The following KCNN3 variants were observed in gnomAD, a reference collection of about 807,000 sequenced individuals.
KCNN3 encodes potassium calcium-activated channel subfamily N member 3.
Under a neutral mutation model 62.9 loss-of-function variants are expected in KCNN3, and 16 were observed. That is an observed-to-expected ratio of 0.25 (90% CI 0.17 to 0.39). KCNN3 has a LOEUF of 0.39. Among genes scored for constraint, KCNN3 ranks in the 10% least tolerant of loss-of-function variants. The pLI is 1.00. For synonymous variants in KCNN3, 370 were observed against 389.2 expected (o/e 0.95, Z 0.58); for missense variants, 599 against 949.4 (o/e 0.63, Z 4.85).
At position 154,700,372 on chromosome 1, in the gene KCNN3, GT is replaced by G. The variant is rs1699827916; in HGVS notation, c.*7603del. On this transcript the variant is annotated 3_prime_UTR_variant, in exon 8 of 8. Transcript: ENST00000271915. ...CATATAGCCATGGACTTGAATTACT[GT>G]CAAGAGGTCTGCTTTCCCCAAATGA... 1 of 152,208 alleles carries G rather than the reference GT, an allele frequency of 6.6e-6. No homozygotes were observed. The highest frequency in any genetic ancestry group is 1.5e-5 in the Non-Finnish European group (1 of 68,046). 9.4% of individuals were successfully genotyped at this position (152,208 alleles called of 1,614,324 possible). A position where few individuals can be genotyped will look rare whatever the true frequency, so the allele number is the denominator to read the frequency against.
rs1033962882 is a variant in KCNN3 at position 154,705,039 on chromosome 1, G to A, written c.*2937C>T. 2.8e-4 allele frequency: 43 copies of A among 152,236 alleles called. No homozygotes were observed. Among genetic ancestry groups the A allele is most frequent in the African/African-American group, 1.0e-3 (43 of 41,520 alleles). The allele number at this position is 152,236 out of a possible 1,614,324, so 9.4% of individuals were successfully genotyped here. A position where few individuals can be genotyped will look rare whatever the true frequency, so the allele number is the denominator to read the frequency against. On this transcript the variant is annotated 3_prime_UTR_variant, in exon 8 of 8. Transcript: ENST00000271915. ...ATCCTCTCGCCTTGCCCAAAGTCCT[G>A]GGATTACAGGCATGAGCCACCGCAC...
intron 3 of KCNN3, among the ~76,000 whole-genome samples, chr1:154,754,876 G>A (rs1647562996): frequency 6.6e-6 from 1 of 152,178 alleles, no homozygotes; most frequent in East Asian, 1.9e-4. Flanking sequence ...AGAAAAAGAA[G>A]ACACAAACAG....
intron 2 of KCNN3, among the ~76,000 whole-genome samples, chr1:154,778,281 C>T (rs771139382): frequency 6.6e-6 from 1 of 152,206 alleles, no homozygotes; most frequent in Non-Finnish European, 1.5e-5. Flanking sequence ...TAACCCAACT[C>T]AGTTCAATAT....
Position 154,707,782 on chromosome 1 carries a change from TA to T in KCNN3, c.*193del. 2 of 643,300 alleles carry T rather than the reference TA, an allele frequency of 3.1e-6. No individual in the cohort carries two copies. Among genetic ancestry groups the T allele is most frequent in the South Asian group, 4.3e-5 (2 of 46,852 alleles). 39.8% of individuals were successfully genotyped at this position (643,300 alleles called of 1,614,324 possible). On this transcript the variant is annotated 3_prime_UTR_variant, in exon 8 of 8. Transcript: ENST00000271915. ...CTTCCCGCTCCCAAGTAGAGGCACC[TA>T]AACAGAGATTAGATTTCTGGTTTCA...
chr1:154,829,057 G>C (rs1651272501), intron 1 of KCNN3, among the ~76,000 whole-genome samples: 1 of 152,196 alleles, frequency 6.6e-6, no homozygotes, highest in African/African-American at 2.4e-5. Flanking sequence ...ATCCCATCCA[G>C]GAGCTCCCAG....
chr1:154,750,701 T>G lies in KCNN3; in HGVS notation c.1449-17557A>C, dbSNP rs373419123. Among the ~76,000 whole-genome samples the G allele has an allele frequency of 4.1e-4, 62 of 152,092 alleles. 3 individuals carry two copies. Among genetic ancestry groups the G allele is most frequent in the African/African-American group, 1.5e-3 (62 of 41,508 alleles). ...GGGGAGTGGGCAGCTGCAGCCCTGA[T>G]CCTTGATAAGGGTCTTAAGAGACCA... On this transcript the variant is annotated intron_variant, in intron 3 of 7. Transcript: ENST00000271915.
At chr1:154,771,463 A>T (rs1648556624) in intron 3 of KCNN3, among the ~76,000 whole-genome samples, 1 of 152,230 alleles carries the variant, frequency 6.6e-6, no homozygotes, top group Non-Finnish European at 1.5e-5. Flanking sequence ...GGGAACTCTA[A>T]CAAGTTCCCA....
At position 154,701,905 on chromosome 1, in the gene KCNN3, T is replaced by G. The variant is rs1309175288; in HGVS notation, c.*6071A>C. ...CAGGACTCTTTCTTATGTCCAATTCTGACATTGTCAAAGGAAAACTGGTTG... is the reference window on the plus strand; with the variant it reads ...CAGGACTCTTTCTTATGTCCAATTCGGACATTGTCAAAGGAAAACTGGTTG... On this transcript the variant is annotated 3_prime_UTR_variant, in exon 8 of 8. Coordinates refer to ENST00000271915, the MANE Select transcript of KCNN3 (RefSeq NM_002249.6). 6.6e-6 allele frequency: 1 copy of G among 152,214 alleles called. No homozygotes were observed. Among genetic ancestry groups the G allele is most frequent in the Non-Finnish European group, 1.5e-5 (1 of 68,038 alleles). 9.4% of individuals were successfully genotyped at this position (152,214 alleles called of 1,614,324 possible).
At chr1:154,790,109 C>T (rs918594245) in intron 2 of KCNN3, among the ~76,000 whole-genome samples, 4 of 152,254 alleles carry the variant, frequency 2.6e-5, no homozygotes, top group South Asian at 2.1e-4. Flanking sequence ...AATGAGGATT[C>T]GCTACATATA....
chr1:154,752,838 C>T (rs1647450381), intron 3 of KCNN3, among the ~76,000 whole-genome samples: 1 of 152,120 alleles, frequency 6.6e-6, no homozygotes, highest in African/African-American at 2.4e-5. Flanking sequence ...GGAGATAACA[C>T]CACAAAGCAT....
chr1:154,721,719 C>T (rs911558574), intron 5 of KCNN3, among the ~76,000 whole-genome samples: 1 of 151,948 alleles, frequency 6.6e-6, no homozygotes, highest in African/African-American at 2.4e-5. Context: ...GAGTGTGGCA[C>T]CCAGGGAGTG....
chr1:154,806,635 C>T (rs1442349047), intron 2 of KCNN3, among the ~76,000 whole-genome samples: 1 of 152,182 alleles, frequency 6.6e-6, no homozygotes, highest in Non-Finnish European at 1.5e-5. Context: ...ATTATTGATT[C>T]AATCCTGAGA....
intron 1 of KCNN3, among the ~76,000 whole-genome samples, chr1:154,846,890 T>A (rs909336454): frequency 6.6e-6 from 1 of 152,166 alleles, no homozygotes; most frequent in African/African-American, 2.4e-5. Flanking sequence ...ATCACTATGT[T>A]GTGAGGTAGG....
rs66840003 is a variant in KCNN3, at chr1:154,826,062, CAAA to C, written c.934-3881_934-3879del. ...ACTCCATCTTAAAAAAAAACAAAAACAAAAACAAAAACAAAAACAAAAACAAAA... is the reference window on the plus strand; with the variant it reads ...ACTCCATCTTAAAAAAAAACAAAAACAACAAAAACAAAAACAAAAACAAAA... On this transcript the variant is annotated intron_variant, in intron 1 of 7. Coordinates refer to ENST00000271915, the MANE Select transcript of KCNN3 (RefSeq NM_002249.6). Among the ~76,000 whole-genome samples, 148 of 129,412 alleles carry C rather than the reference CAAA, an allele frequency of 1.1e-3. 8 individuals are homozygous for C. The highest frequency in any genetic ancestry group is 4.6e-3 in the African/African-American group (141 of 30,686). 84.9% of individuals were successfully genotyped at this position (129,412 alleles called of 152,430 possible).
At chr1:154,860,843 G>A (rs1652740616) in intron 1 of KCNN3, among the ~76,000 whole-genome samples, 1 of 152,146 alleles carries the variant, frequency 6.6e-6, no homozygotes, top group East Asian at 1.9e-4. Context: ...CTGGCTCTGT[G>A]GTGGCTGCTG....
At chr1:154,853,881 T>G (rs1388640780) in intron 1 of KCNN3, among the ~76,000 whole-genome samples, 1 of 151,892 alleles carries the variant, frequency 6.6e-6, no homozygotes, top group African/African-American at 2.4e-5. Flanking sequence ...GAGGCGGAAG[T>G]TGCAGTGAGC....
chr1:154,841,100 G>A (rs1202685951), intron 1 of KCNN3, among the ~76,000 whole-genome samples: 2 of 152,216 alleles, frequency 1.3e-5, no homozygotes, highest in Admixed American at 6.5e-5. Context: ...CTGCAGAGAT[G>A]GTGAGGGCGC....
chr1:154,762,008 A>AT (rs34497699), intron 3 of KCNN3, among the ~76,000 whole-genome samples: 39,350 of 152,010 alleles, frequency 0.26, 5,461 homozygotes, highest in African/African-American at 0.36. Flanking sequence ...CGTTGATTTG[A>AT]TTTTTTAAAA....
At chr1:154,802,661 CA>C (rs1294566390) in intron 2 of KCNN3, among the ~76,000 whole-genome samples, 1 of 151,862 alleles carries the variant, frequency 6.6e-6, no homozygotes, top group African/African-American at 2.4e-5. Flanking sequence ...GAATATGAGG[CA>C]AAATACAATT....
Sources: allele counts gnomAD v4.1 joint callset (sites outside exome capture counted in the v4.1 genomes callset), GRCh38; gene constraint gnomAD v4.1.1; transcripts MANE v1.5; gene names NCBI Gene and HGNC (gene_info 2026-07-23, HGNC 2026-07-21).